TNR: variants seen among roughly 807,000 people sequenced by gnomAD.
TNR encodes tenascin-R.
Under a neutral mutation model 150.4 loss-of-function variants are expected in TNR, and 45 were observed. The observed-to-expected ratio is 0.30, with a 90% confidence interval of 0.24 to 0.38. The LOEUF (loss-of-function observed/expected upper bound fraction) is 0.38. Among genes scored for constraint, TNR ranks in the 10% least tolerant of loss-of-function variants. The probability of loss-of-function intolerance (pLI) is 1.00; values close to 1 mark genes in which losing one functional copy is unlikely to be tolerated. For synonymous variants in TNR, 687 were observed against 678.4 expected, an observed-to-expected ratio of 1.01 and a Z score of -0.20; for missense variants, 1,544 against 1,759.1, an observed-to-expected ratio of 0.88 and a Z score of 2.19.
At chr1:175,386,411 G>A (rs892028577) in intron 7 of TNR, 110 bp from the exon 8 acceptor site, 25 of 1,210,716 alleles carry the variant, frequency 2.1e-5, no homozygotes, top group Non-Finnish European at 2.5e-5. Context: ...AGAGAGGATG[G>A]GTATTGTTAC....
chr1:175,472,211 ACT>A (rs1657325159), intron 2 of TNR, among the ~76,000 whole-genome samples: 1 of 152,122 alleles, frequency 6.6e-6, no homozygotes, highest in Admixed American at 6.5e-5. Flanking sequence ...CATCAATATC[ACT>A]GTCTTCCACC....
At chr1:175,680,029 G>A (rs1665981506) in intron 1 of TNR, among the ~76,000 whole-genome samples, 1 of 152,206 alleles carries the variant, frequency 6.6e-6, no homozygotes, top group African/African-American at 2.4e-5. Flanking sequence ...CCTTGGCTTT[G>A]AGAGGAGGCA....
intron 1 of TNR, among the ~76,000 whole-genome samples, chr1:175,737,498 T>G (rs553168869): frequency 6.6e-6 from 1 of 152,284 alleles, no homozygotes; most frequent in East Asian, 1.9e-4. Flanking sequence ...GGCCCAGGAA[T>G]GTGAATTTTT....
At chr1:175,660,081 G>A (rs1290503045) in intron 1 of TNR, among the ~76,000 whole-genome samples, 1 of 152,060 alleles carries the variant, frequency 6.6e-6, no homozygotes, top group African/African-American at 2.4e-5. Context: ...CCCTCTATGG[G>A]AGAATACAGT....
intron 2 of TNR, among the ~76,000 whole-genome samples, chr1:175,506,173 G>A (rs1198183740): frequency 1.3e-5 from 2 of 152,212 alleles, no homozygotes; most frequent in Non-Finnish European, 2.9e-5. Context: ...ATCCTATGAA[G>A]GAACACTGAG....
chr1:175,573,803 A>T (rs1420113845), intron 1 of TNR, among the ~76,000 whole-genome samples: 2 of 152,200 alleles, frequency 1.3e-5, no homozygotes, highest in East Asian at 3.8e-4. Flanking sequence ...TGAGCTTGGC[A>T]GATGTCCAGA....
In TNR at chr1:175,715,202, T is replaced by C. The variant is rs1262682594; in HGVS notation, c.-165+28024A>G. On this transcript the variant is annotated intron_variant, in intron 1 of 22. Transcript: ENST00000367674. ...AAATACATCCTGGGGTTTGTTTGCT[T>C]TGCTAGGGCTGGAAGGGAGTAGTGA... Among the ~76,000 whole-genome samples, 6 of 152,324 alleles carry C rather than the reference T, an allele frequency of 3.9e-5. No homozygotes were observed. In the East Asian group the frequency reaches 1.2e-3, roughly 29 times the overall value.
intron 1 of TNR, among the ~76,000 whole-genome samples, chr1:175,554,083 A>G (rs555969677): frequency 2.6e-5 from 4 of 152,280 alleles, no homozygotes; most frequent in African/African-American, 9.6e-5. Context: ...GTGACTTGGC[A>G]TTTTCAATAC....
intron 1 of TNR, among the ~76,000 whole-genome samples, chr1:175,655,054 T>C (rs1390832498): frequency 6.6e-6 from 1 of 152,182 alleles, no homozygotes; most frequent in Non-Finnish European, 1.5e-5. Context: ...GGGTGTGATC[T>C]CTTCCTCCTT....
At chr1:175,617,134 G>A (rs1663804145) in intron 1 of TNR, among the ~76,000 whole-genome samples, 1 of 152,140 alleles carries the variant, frequency 6.6e-6, no homozygotes, top group Non-Finnish European at 1.5e-5. Flanking sequence ...CCAATTGTGA[G>A]GATTCAATGG....
At chr1:175,331,139 C>CT (rs60945687) in intron 20 of TNR, among the ~76,000 whole-genome samples, 1,166 of 112,706 alleles carry the variant, frequency 0.01, 7 homozygotes, top group Non-Finnish European at 0.015. Flanking sequence ...TCTTTTCTTT[C>CT]TTTCTTCCTT....
chr1:175,513,932 A>G (rs989635413), intron 2 of TNR, among the ~76,000 whole-genome samples: 14 of 152,184 alleles, frequency 9.2e-5, no homozygotes, highest in African/African-American at 3.4e-4. Flanking sequence ...CATTTCTAAA[A>G]AGCTTCCAGG....
chr1:175,575,380 A>G (rs931166062), intron 1 of TNR, among the ~76,000 whole-genome samples: 2 of 152,224 alleles, frequency 1.3e-5, no homozygotes, highest in African/African-American at 4.8e-5. Context: ...ATCAGGGACC[A>G]ACACCTTTAT....
In TNR at chr1:175,335,644, CA is replaced by C. The variant is rs1242939628; in HGVS notation, c.3631+66del. The C allele has an allele frequency of 9.4e-6, 14 of 1,484,818 alleles. No individual in the cohort carries two copies. The Admixed American group carries it at 1.9e-4, about 20-fold the overall frequency. The allele number at this position is 1,484,818 out of a possible 1,614,324, so 92.0% of individuals were successfully genotyped here. On this transcript the variant is annotated intron_variant, in intron 20 of 22. Transcript: ENST00000367674. The stretch of plus-strand genomic sequence containing the variant: ...GGTTTCTGATAATCTCAGATGGACA[CA>C]AAAAGGAGAGAGATGGACAAAAAGC...
At chr1:175,697,945 C>T (rs1666582220) in intron 1 of TNR, among the ~76,000 whole-genome samples, 1 of 152,184 alleles carries the variant, frequency 6.6e-6, no homozygotes, top group Non-Finnish European at 1.5e-5. Context: ...TCAGAGTCAG[C>T]CCTGCCTTTC....
chr1:175,615,643 A>G (rs1663751328), intron 1 of TNR, among the ~76,000 whole-genome samples: 1 of 152,186 alleles, frequency 6.6e-6, no homozygotes, highest in Non-Finnish European at 1.5e-5. Context: ...CGGTCTCCTG[A>G]CCCCTCAGGA....
At chr1:175,592,957 GT>G (rs1662859120) in intron 1 of TNR, among the ~76,000 whole-genome samples, 1 of 151,920 alleles carries the variant, frequency 6.6e-6, no homozygotes, top group African/African-American at 2.4e-5. Context: ...TAGAGCTGTT[GT>G]TTTGGTGGGT....
chr1:175,702,164 A>G (rs531818817), intron 1 of TNR, among the ~76,000 whole-genome samples: 24 of 152,276 alleles, frequency 1.6e-4, no homozygotes, highest in African/African-American at 5.8e-4. Flanking sequence ...TGGTTATTGT[A>G]TCTTCCATGT....
chr1:175,412,870 G>C (rs859469), intron 2 of TNR, among the ~76,000 whole-genome samples: 104,792 of 152,080 alleles, frequency 0.69, 36,482 homozygotes, highest in East Asian at 0.83. Context: ...CAATGTGCCT[G>C]TAGTGTTGCT....
Sources: allele counts gnomAD v4.1 joint callset (sites outside exome capture counted in the v4.1 genomes callset), GRCh38; gene constraint gnomAD v4.1.1; transcripts MANE v1.5; gene names NCBI Gene and HGNC (gene_info 2026-07-23, HGNC 2026-07-21).